Variants in TIPIN observed in about 807,000 individuals in gnomAD.
TIPIN encodes TIMELESS interacting protein, also known as TIMELESS-interacting protein.
TIPIN carries 29 observed loss-of-function variants against 35.6 expected under a neutral mutation model. That is an observed-to-expected ratio of 0.82 (90% CI 0.61 to 1.11). TIPIN has a LOEUF of 1.11. Ranked by LOEUF, TIPIN falls within the 50% of genes most tolerant of loss-of-function variation. TIPIN has a pLI of 0.00. For missense variants in TIPIN, 296 were observed against 345.4 expected, an observed-to-expected ratio of 0.86 and a Z score of 1.13; for synonymous variants, 102 against 121.5, an observed-to-expected ratio of 0.84 and a Z score of 1.06.
chr15:66,342,556 G>T (rs1477060126), intron 6 of TIPIN, among the ~76,000 whole-genome samples: 1 of 151,954 alleles, frequency 6.6e-6, no homozygotes, highest in Non-Finnish European at 1.5e-5. Context: ...TAGAGACAGG[G>T]TTTCACCGTA....
intron 3 of TIPIN, 72 bp from the exon 4 acceptor site, chr15:66,351,672 C>T: frequency 2.3e-6 from 3 of 1,280,814 alleles, no homozygotes; most frequent in Non-Finnish European, 1.1e-6. Context: ...GAGTCTCACT[C>T]TGTCGCCCAG....
intron 1 of TIPIN, among the ~76,000 whole-genome samples, chr15:66,373,105 C>T (rs2093283403): frequency 6.6e-6 from 1 of 152,088 alleles, no homozygotes; most frequent in South Asian, 2.1e-4. Context: ...TAAGTATACT[C>T]TATGTTGTTT....
chr15:66,337,280 G>T, intron 7 of TIPIN, 99 bp from the exon 8 acceptor site: 3 of 811,044 alleles, frequency 3.7e-6, no homozygotes, highest in Non-Finnish European at 3.8e-6. Flanking sequence ...GTAAAATGAA[G>T]TCTAAGATCA....
At chr15:66,369,061 C>T (rs2093268293) in intron 1 of TIPIN, among the ~76,000 whole-genome samples, 1 of 152,100 alleles carries the variant, frequency 6.6e-6, no homozygotes, top group South Asian at 2.1e-4. Context: ...TGAATTCAGT[C>T]TCCCACTCTT....
intron 4 of TIPIN, among the ~76,000 whole-genome samples, 188 bp downstream of exon 4, chr15:66,351,337 G>C (rs2093166470): frequency 6.6e-6 from 1 of 152,198 alleles, no homozygotes; most frequent in African/African-American, 2.4e-5. Flanking sequence ...CAAAAAATGA[G>C]ACTGCACAAG....
At chr15:66,381,573 T>C (rs753975165) in intron 1 of TIPIN, among the ~76,000 whole-genome samples, 6 of 152,238 alleles carry the variant, frequency 3.9e-5, no homozygotes, top group South Asian at 4.1e-4. Context: ...GGGTGTGTCA[T>C]AAATGATGTA....
chr15:66,372,248 G>T (rs2093280351), intron 1 of TIPIN, among the ~76,000 whole-genome samples: 1 of 152,116 alleles, frequency 6.6e-6, no homozygotes, highest in Non-Finnish European at 1.5e-5. Context: ...TCTTCCTCAA[G>T]GATAACCACT....
At chr15:66,381,015 T>C (rs1027800738) in intron 1 of TIPIN, among the ~76,000 whole-genome samples, 1 of 152,240 alleles carries the variant, frequency 6.6e-6, no homozygotes, top group African/African-American at 2.4e-5. Flanking sequence ...TAAATAATAC[T>C]ATGTTGATCA....
chr15:66,381,500 T>G (rs1231664717), intron 1 of TIPIN, among the ~76,000 whole-genome samples: 1 of 152,128 alleles, frequency 6.6e-6, no homozygotes, highest in Admixed American at 6.6e-5. Context: ...TAAAAAATAT[T>G]AATTCCTACT....
At chr15:66,380,210 T>C (rs2093313956) in intron 1 of TIPIN, among the ~76,000 whole-genome samples, 1 of 151,494 alleles carries the variant, frequency 6.6e-6, no homozygotes, top group South Asian at 2.1e-4. Flanking sequence ...TTCACCGTGT[T>C]AGCCAGGATG....
Position 66,342,659 on chromosome 15 carries a change from C to T in TIPIN, c.476-1303G>A, listed in dbSNP as rs1024145648. On this transcript the variant is annotated intron_variant, in intron 6 of 7. Coordinates refer to ENST00000261881, the MANE Select transcript of TIPIN (RefSeq NM_017858.3). ...GATTACAAGCGTGAGCCAATGCACCCGGCCAGTAAAAGGTAATTTTATGTA... is the reference window on the plus strand; with the variant it reads ...GATTACAAGCGTGAGCCAATGCACCTGGCCAGTAAAAGGTAATTTTATGTA... Among the ~76,000 whole-genome samples, 20 of 152,162 alleles carry T rather than the reference C, an allele frequency of 1.3e-4. 1 individual carries two copies. In the South Asian group the frequency reaches 1.5e-3, roughly 11 times the overall value.
intron 6 of TIPIN, among the ~76,000 whole-genome samples, chr15:66,348,034 G>T (rs1485042282): frequency 4.9e-5 from 6 of 121,696 alleles, no homozygotes; most frequent in African/African-American, 1.5e-4. Flanking sequence ...TCCAGACAAG[G>T]TCTCTCACCC....
chr15:66,362,101 C>G (rs188750682), intron 1 of TIPIN, among the ~76,000 whole-genome samples: 17 of 152,006 alleles, frequency 1.1e-4, no homozygotes, highest in African/African-American at 4.1e-4. Context: ...GTCAGGAGTT[C>G]AAGACCAGCC....
intron 1 of TIPIN, chr15:66,379,499 G>T: frequency 6.2e-7 from 1 of 1,609,434 alleles, no homozygotes; most frequent in South Asian, 1.1e-5. Flanking sequence ...CATCTTTCTG[G>T]GCTTGAGATA....
chr15:66,357,042 T>C (rs944192273), upstream of TIPIN, among the ~76,000 whole-genome samples: 4 of 152,012 alleles, frequency 2.6e-5, no homozygotes, highest in Admixed American at 2.0e-4. Flanking sequence ...TCAGCCTCCC[T>C]TCCCCGACTA....
chr15:66,367,594 T>C (rs2093261453), intron 1 of TIPIN, among the ~76,000 whole-genome samples: 1 of 151,900 alleles, frequency 6.6e-6, no homozygotes, highest in Non-Finnish European at 1.5e-5. Flanking sequence ...GGGATTTCAC[T>C]ATGTTGTCCA....
At chr15:66,374,529 C>T (rs1468311845) in intron 1 of TIPIN, among the ~76,000 whole-genome samples, 1 of 151,996 alleles carries the variant, frequency 6.6e-6, no homozygotes, top group Non-Finnish European at 1.5e-5. Flanking sequence ...CCTGCCTCAG[C>T]CTCCCAAGTA....
intron 1 of TIPIN, chr15:66,371,263 T>G (rs1365965542): frequency 1.0e-6 from 1 of 985,042 alleles, no homozygotes; most frequent in African/African-American, 1.7e-5. Flanking sequence ...TGTATACTTT[T>G]CTGGTCTCCC....
intron 1 of TIPIN, chr15:66,379,745 A>T (rs71398264): frequency 0.06 from 97,019 of 1,607,564 alleles, 3,340 homozygotes; most frequent in Non-Finnish European, 0.071. Flanking sequence ...ACCATTTGTC[A>T]ACCAGAGCCT....
Sources: gnomAD v4.1 joint callset for allele counts (sites outside exome capture counted in the v4.1 genomes callset) on GRCh38, gnomAD v4.1.1 for gene constraint, MANE v1.5 for transcripts, NCBI Gene and HGNC (gene_info 2026-07-23, HGNC 2026-07-21) for gene names.